The following RRM2B variants were observed in gnomAD, a reference collection of about 807,000 sequenced individuals.
RRM2B encodes ribonucleoside-diphosphate reductase subunit M2 B.
Under a neutral mutation model 45.9 loss-of-function variants are expected in RRM2B, and 20 were observed. That is an observed-to-expected ratio of 0.44 (90% CI 0.31 to 0.63). RRM2B has a LOEUF of 0.63. Among genes scored for constraint, RRM2B ranks in the 30% least tolerant of loss-of-function variants. RRM2B has a pLI of 0.09. For missense variants in RRM2B, 320 were observed against 414.7 expected (o/e 0.77, Z 1.98); for synonymous variants, 124 against 132.3 (o/e 0.94, Z 0.43).
chr8:102,216,660 T>C (rs888898887), intron 6 of RRM2B, among the ~76,000 whole-genome samples: 1 of 151,986 alleles, frequency 6.6e-6, no homozygotes, highest in African/African-American at 2.4e-5. Flanking sequence ...CAGAGTTAAA[T>C]AACAAAAATG....
At chr8:102,223,173 GTATT>G (rs1473597632) in intron 5 of RRM2B, among the ~76,000 whole-genome samples, 2 of 152,024 alleles carry the variant, frequency 1.3e-5, no homozygotes, top group Non-Finnish European at 2.9e-5. Context: ...AATTTAGTAA[GTATT>G]TATTGAGCAA....
chr8:102,218,003 T>C (rs1274736502), intron 6 of RRM2B, among the ~76,000 whole-genome samples: 1 of 151,976 alleles, frequency 6.6e-6, no homozygotes, highest in Non-Finnish European at 1.5e-5. Flanking sequence ...CTCAATGAAA[T>C]AGGAAAAACA....
chr8:102,208,869 C>A (rs1235581238), intron 8 of RRM2B, among the ~76,000 whole-genome samples: 1 of 152,156 alleles, frequency 6.6e-6, no homozygotes, highest in Non-Finnish European at 1.5e-5. Flanking sequence ...AGAAACAAGG[C>A]CGAGCATGGT....
intron 6 of RRM2B, chr8:102,214,501 A>G (rs1259648372): frequency 3.7e-6 from 1 of 270,906 alleles, no homozygotes; most frequent in African/African-American, 2.2e-5. Flanking sequence ...AATTTCAAAA[A>G]TAATTAAGGA....
intron 6 of RRM2B, among the ~76,000 whole-genome samples, chr8:102,216,032 A>C (rs1810725679): frequency 1.3e-5 from 2 of 151,756 alleles, no homozygotes; most frequent in African/African-American, 4.8e-5. Flanking sequence ...TATTTATCCT[A>C]CAAATTATTA....
rs2132536563 is a variant in RRM2B, at chr8:102,204,803, A to C, written c.*3330T>G. 6.6e-6 allele frequency: 1 copy of C among 152,334 alleles called. No homozygotes were observed. The highest frequency in any genetic ancestry group is 6.5e-5 in the Admixed American group (1 of 15,308). 9.4% of individuals were successfully genotyped at this position (152,334 alleles called of 1,614,324 possible). ...ATGGCCAGACATTTGAAAAAATGAA[A>C]ACACAGTTGTAAAACAAAGTATGTA... On this transcript the variant is annotated 3_prime_UTR_variant, in exon 9 of 9. Coordinates refer to ENST00000251810, the MANE Select transcript of RRM2B (RefSeq NM_015713.5).
Position 102,206,851 on chromosome 8 carries a change from C to T in RRM2B, c.*1282G>A, listed in dbSNP as rs992107305. On this transcript the variant is annotated 3_prime_UTR_variant, in exon 9 of 9. Transcript: ENST00000251810. Reference sequence around the variant, plus strand: ...CTCCTTTTCCCTCACCATTGGCTATCATGTTGCATAGTCACATTAAAAGAA... The same window carrying T: ...CTCCTTTTCCCTCACCATTGGCTATTATGTTGCATAGTCACATTAAAAGAA... 1 of 152,136 alleles carries T rather than the reference C, an allele frequency of 6.6e-6. No individual in the cohort carries two copies. Among genetic ancestry groups the T allele is most frequent in the African/African-American group, 2.4e-5 (1 of 41,432 alleles). The allele number at this position is 152,136 out of a possible 1,614,324, so 9.4% of individuals were successfully genotyped here.
chr8:102,208,246 T>C lies in RRM2B; in HGVS notation c.943A>G (p.Ile315Val). The C allele has an allele frequency of 6.3e-7, 1 of 1,589,310 alleles. No homozygotes were observed. Reference protein sequence around the residue: ...AENPFDFMENISLEGKTNFFE... With the variant: ...AENPFDFMENVSLEGKTNFFE... ...AAATTTGTTTTTCCTTCTAAAGAAA[T>C]GTTTTCCATAAAATCAAAAGGATTT... is the stretch of plus-strand genomic sequence containing the variant. The change falls in exon 9 of 9, where the codon ATT (isoleucine) becomes GTT (valine). Residue 315 changes from isoleucine to valine, a missense_variant. Physicochemically the swap from Ile to Val is conservative, Grantham distance 29 (BLOSUM62 3). This residue lies in a region of RRM2B where 47 missense variants were observed against 90.0 expected (regional missense o/e 0.52). Coordinates refer to ENST00000251810, the MANE Select transcript of RRM2B (RefSeq NM_015713.5).
In RRM2B at chr8:102,237,401, T is replaced by C. The variant is rs1811139460; in HGVS notation, c.48+1426A>G. 2.6e-5 allele frequency among the ~76,000 whole-genome samples: 4 copies of C among 152,230 alleles called. No homozygotes were observed. The South Asian group carries it at 8.3e-4, about 32-fold the overall frequency. ...TGTGTACCAGGATCACCTGAAGTAC[T>C]TGTTAAAAATGCAGATCTCAAGAGA... On this transcript the variant is annotated intron_variant, in intron 1 of 8. Coordinates refer to ENST00000251810, the MANE Select transcript of RRM2B (RefSeq NM_015713.5).
In RRM2B at chr8:102,206,006, ATTT is replaced by A. The variant is rs1199772314; in HGVS notation, c.*2124_*2126del. The A allele has an allele frequency of 6.6e-6, 1 of 151,840 alleles. No individual in the cohort carries two copies. Among genetic ancestry groups the A allele is most frequent in the African/African-American group, 2.4e-5 (1 of 41,344 alleles). The allele number at this position is 151,840 out of a possible 1,614,324, so 9.4% of individuals were successfully genotyped here. Reference sequence around the variant, plus strand: ...AAAACAAAGGAATATACACTGTACAATTTTTTTTCTTTCATTCTGATGTCATTA... The same window carrying A: ...AAAACAAAGGAATATACACTGTACAATTTTTCTTTCATTCTGATGTCATTA... On this transcript the variant is annotated 3_prime_UTR_variant, in exon 9 of 9. Transcript: ENST00000251810.
intron 7 of RRM2B, among the ~76,000 whole-genome samples, chr8:102,213,105 A>G (rs887983796): frequency 1.3e-5 from 2 of 152,202 alleles, no homozygotes; most frequent in African/African-American, 4.8e-5. Context: ...AAGAGCCAAA[A>G]TAAATGGAAA....
At chr8:102,233,838 G>T (rs556595602) in intron 1 of RRM2B, among the ~76,000 whole-genome samples, 1 of 152,120 alleles carries the variant, frequency 6.6e-6, no homozygotes, top group Admixed American at 6.5e-5. Flanking sequence ...TTAAGACTGG[G>T]TCTTGCTCCG....
At chr8:102,220,132 G>C (rs1356471581) in intron 5 of RRM2B, among the ~76,000 whole-genome samples, 1 of 152,084 alleles carries the variant, frequency 6.6e-6, no homozygotes, top group East Asian at 1.9e-4. Flanking sequence ...ACAGCTACCT[G>C]GGAGGTTGAT....
intron 5 of RRM2B, among the ~76,000 whole-genome samples, chr8:102,220,836 AG>A (rs1408711243): frequency 6.6e-6 from 1 of 152,238 alleles, no homozygotes; most frequent in African/African-American, 2.4e-5. Flanking sequence ...AGAAGATTAA[AG>A]GATTATAAGT....
intron 6 of RRM2B, among the ~76,000 whole-genome samples, chr8:102,217,774 T>C (rs1252033383): frequency 1.3e-5 from 2 of 150,750 alleles, no homozygotes; most frequent in Non-Finnish European, 3.0e-5. Context: ...TTTCACCTAA[T>C]TGATCAGGAA....
chr8:102,229,274 CAAA>C (rs899199808), intron 2 of RRM2B, among the ~76,000 whole-genome samples: 4 of 149,340 alleles, frequency 2.7e-5, no homozygotes, highest in Admixed American at 1.3e-4. Flanking sequence ...ACAACAACAA[CAAA>C]AAAAAAAAAA....
Position 102,232,150 on chromosome 8 carries a change from T to C in RRM2B, c.203A>G (p.Glu68Gly). Residue 68 changes from glutamate to glycine, a missense_variant and splice_region_variant, in exon 2 of 9, where the codon GAG becomes GGG. Coordinates refer to ENST00000251810, the MANE Select transcript of RRM2B (RefSeq NM_015713.5). ...QAQASFWTAE[E>G]VDLSKDLPHW... ...GCTCTTGGAGGCAATGCCACGTACCTCTTCTGCTGTCCAGAAGGAAGCCTG... is the reference window on the plus strand; with the variant it reads ...GCTCTTGGAGGCAATGCCACGTACCCCTTCTGCTGTCCAGAAGGAAGCCTG... The C allele has an allele frequency of 6.2e-7, 1 of 1,614,002 alleles. No homozygotes were observed. Among genetic ancestry groups the C allele is most frequent in the East Asian group, 2.2e-5 (1 of 44,874 alleles).
At position 102,238,646 on chromosome 8, in the gene RRM2B, C is replaced by T. The variant is rs543453000; in HGVS notation, c.48+181G>A. On this transcript the variant is annotated intron_variant, in intron 1 of 8. Transcript: ENST00000251810. ...GCAAACCCAAAGTCAGCTCCTTCCT[C>T]CGCCCTCCCCGGGGACGGCCTCCCC... The T allele has an allele frequency of 1.8e-5, 27 of 1,535,126 alleles. No homozygotes were observed. In the Admixed American group the frequency reaches 3.9e-4, roughly 22 times the overall value.
At chr8:102,223,176 T>C (rs1219274684) in intron 5 of RRM2B, among the ~76,000 whole-genome samples, 2 of 152,136 alleles carry the variant, frequency 1.3e-5, no homozygotes, top group African/African-American at 4.8e-5. Context: ...TTAGTAAGTA[T>C]TTATTGAGCA....
Sources: gnomAD v4.1 joint callset for allele counts (sites outside exome capture counted in the v4.1 genomes callset) on GRCh38, gnomAD v4.1.1 for gene constraint, gnomAD v4.1.1 regional missense constraint, MANE v1.5 for transcripts, NCBI Gene and HGNC (gene_info 2026-07-23, HGNC 2026-07-21) for gene names.